Variants in RCL1 observed in about 807,000 individuals in gnomAD.
The protein encoded by RCL1 is RNA 3'-terminal phosphate cyclase-like protein.
A neutral mutation model predicts 42.4 loss-of-function variants in RCL1; 24 were observed. The observed-to-expected ratio is 0.57, with a 90% CI of 0.41 to 0.80. RCL1 has a LOEUF of 0.80. RCL1 is among the 30% of genes least tolerant of loss of function. RCL1 has a pLI of 0.00. For synonymous variants in RCL1, 228 were observed against 177.3 expected, an observed-to-expected ratio of 1.29 and a Z score of -2.27; for missense variants, 578 against 467.9, an observed-to-expected ratio of 1.24 and a Z score of -2.17.
At chr9:4,852,581 T>A (rs1817789148) in intron 8 of RCL1, among the ~76,000 whole-genome samples, 1 of 152,130 alleles carries the variant, frequency 6.6e-6, no homozygotes, top group Non-Finnish European at 1.5e-5. Flanking sequence ...TCTTGGAGCC[T>A]TGGTGTCATT....
At chr9:4,802,195 G>A (rs1167937341) in intron 1 of RCL1, among the ~76,000 whole-genome samples, 1 of 151,718 alleles carries the variant, frequency 6.6e-6, no homozygotes, top group East Asian at 1.9e-4. Context: ...AAAGTGCTGG[G>A]ATTATAGGTG....
At chr9:4,798,420 G>A (rs1842947362) in intron 1 of RCL1, among the ~76,000 whole-genome samples, 1 of 152,258 alleles carries the variant, frequency 6.6e-6, no homozygotes, top group Non-Finnish European at 1.5e-5. Context: ...AGCAGGTCAT[G>A]TAACTAAGCC....
At chr9:4,817,745 C>T (rs1816435218) in intron 1 of RCL1, among the ~76,000 whole-genome samples, 1 of 152,046 alleles carries the variant, frequency 6.6e-6, no homozygotes, top group South Asian at 2.1e-4. Flanking sequence ...AATTTGCCTG[C>T]CTCAGCCTCC....
At chr9:4,814,899 C>CA (rs1816317471) in intron 1 of RCL1, among the ~76,000 whole-genome samples, 1 of 151,504 alleles carries the variant, frequency 6.6e-6, no homozygotes, top group African/African-American at 2.4e-5. Flanking sequence ...TTTTGGTTGA[C>CA]GTTTTTTTTT....
Position 4,823,489 on chromosome 9 carries a change from TG to T in RCL1, c.137-58del, listed in dbSNP as rs1400890172. 3.0e-6 allele frequency: 4 copies of T among 1,343,588 alleles called. No homozygotes were observed. In the East Asian group the frequency reaches 9.3e-5, roughly 31 times the overall value. The allele number at this position is 1,343,588 out of a possible 1,614,324, so 83.2% of individuals were successfully genotyped here. A position where few individuals can be genotyped will look rare whatever the true frequency, so the allele number is the denominator to read the frequency against. ...AATCAGGCATGTGCTCTGGAAATGTTGACCTGACATGAGGACAGTCTGTCTT... is the reference window on the plus strand; with the variant it reads ...AATCAGGCATGTGCTCTGGAAATGTTACCTGACATGAGGACAGTCTGTCTT... On this transcript the variant is annotated intron_variant, in intron 1 of 8. Coordinates refer to ENST00000381750, the MANE Select transcript of RCL1 (RefSeq NM_005772.5).
chr9:4,805,774 GC>G (rs1815926816), intron 1 of RCL1, among the ~76,000 whole-genome samples: 1 of 152,152 alleles, frequency 6.6e-6, no homozygotes, highest in Non-Finnish European at 1.5e-5. Flanking sequence ...GCGACTGCCT[GC>G]CACTACCTAT....
At chr9:4,816,282 T>C (rs1816374205) in intron 1 of RCL1, among the ~76,000 whole-genome samples, 1 of 152,250 alleles carries the variant, frequency 6.6e-6, no homozygotes, top group African/African-American at 2.4e-5. Context: ...CTGACTTGTC[T>C]TTTGACACTT....
chr9:4,807,215 G>A (rs889568191), intron 1 of RCL1, among the ~76,000 whole-genome samples: 4 of 151,972 alleles, frequency 2.6e-5, no homozygotes, highest in Non-Finnish European at 4.4e-5. Context: ...TTAAAGACCC[G>A]GTTCTGTGTT....
At chr9:4,810,737 T>G (rs1313300355) in intron 1 of RCL1, among the ~76,000 whole-genome samples, 1 of 152,252 alleles carries the variant, frequency 6.6e-6, no homozygotes, top group East Asian at 1.9e-4. Context: ...AAAGTGACTG[T>G]AAATATATCT....
chr9:4,821,349 G>T (rs1228608808), intron 1 of RCL1, among the ~76,000 whole-genome samples: 1 of 152,168 alleles, frequency 6.6e-6, no homozygotes, highest in Non-Finnish European at 1.5e-5. Context: ...GATCAGGGCA[G>T]TCTGTTTGGC....
intron 3 of RCL1, among the ~76,000 whole-genome samples, chr9:4,829,151 C>T (rs1217933572): frequency 1.3e-5 from 2 of 152,050 alleles, no homozygotes; most frequent in Admixed American, 6.5e-5. Context: ...CCCTTGGGCT[C>T]GATAGAGGTA....
chr9:4,850,198 G>A (rs1056088395), intron 8 of RCL1: 2 of 457,562 alleles, frequency 4.4e-6, no homozygotes, highest in African/African-American at 3.9e-5. Context: ...CATTGTGTGT[G>A]TGTGTTTTCA....
intron 1 of RCL1, among the ~76,000 whole-genome samples, chr9:4,814,579 A>G (rs888850106): frequency 1.3e-5 from 2 of 152,102 alleles, no homozygotes; most frequent in Admixed American, 6.5e-5. Flanking sequence ...CTGTCCTTAT[A>G]AAAATTGTTT....
chr9:4,794,467 C>T (rs906087871), intron 1 of RCL1, among the ~76,000 whole-genome samples: 2 of 152,152 alleles, frequency 1.3e-5, no homozygotes, highest in African/African-American at 2.4e-5. Flanking sequence ...ACGACTTTTC[C>T]GTCAACAAGT....
At chr9:4,817,178 C>G (rs944682639) in intron 1 of RCL1, among the ~76,000 whole-genome samples, 2 of 151,968 alleles carry the variant, frequency 1.3e-5, no homozygotes, top group African/African-American at 4.8e-5. Flanking sequence ...CATCAGCGAC[C>G]TTTTCTGTTT....
chr9:4,822,953 T>C (rs1816642670), intron 1 of RCL1, among the ~76,000 whole-genome samples: 1 of 152,224 alleles, frequency 6.6e-6, no homozygotes, highest in African/African-American at 2.4e-5. Context: ...GCAGTAATAC[T>C]GTACATTCAA....
At chr9:4,820,659 C>T (rs1816564529) in intron 1 of RCL1, among the ~76,000 whole-genome samples, 1 of 152,242 alleles carries the variant, frequency 6.6e-6, no homozygotes, top group South Asian at 2.1e-4. Flanking sequence ...GTTCCTCTAT[C>T]CCATTTAGAC....
chr9:4,856,220 G>A (rs1031991351), intron 8 of RCL1, among the ~76,000 whole-genome samples: 1 of 152,208 alleles, frequency 6.6e-6, no homozygotes, highest in South Asian at 2.1e-4. Context: ...AGGACAGGAT[G>A]GGGGAGATGG....
chr9:4,859,982 C>G (rs1290031818), intron 8 of RCL1, 143 bp from the exon 9 acceptor site: 17 of 548,872 alleles, frequency 3.1e-5, no homozygotes, highest in Non-Finnish European at 4.6e-5. Context: ...AAAGGAAGTA[C>G]TATTTAATCA....
Sources: gnomAD v4.1 joint callset for allele counts (sites outside exome capture counted in the v4.1 genomes callset) on GRCh38, gnomAD v4.1.1 for gene constraint, MANE v1.5 for transcripts, NCBI Gene and HGNC (gene_info 2026-07-23, HGNC 2026-07-21) for gene names.